The following KIDINS220 variants were observed in gnomAD, a reference collection of about 807,000 sequenced individuals.
KIDINS220 encodes kinase D-interacting substrate of 220 kDa.
In KIDINS220, 63 loss-of-function variants were observed where a neutral mutation model predicts 157.6. The observed-to-expected ratio is 0.40, with a 90% CI of 0.33 to 0.49. KIDINS220 has a LOEUF of 0.49. KIDINS220 is among the 20% of genes least tolerant of loss of function. The pLI, the probability that KIDINS220 is intolerant of heterozygous loss-of-function variation, is 0.66. For synonymous variants in KIDINS220, 732 were observed against 783.6 expected (o/e 0.93, Z 1.10); for missense variants, 1,772 against 2,171.2 (o/e 0.82, Z 3.65).
chr2:8,805,192 C>T (rs1438610792), intron 7 of KIDINS220, among the ~76,000 whole-genome samples: 1 of 152,216 alleles, frequency 6.6e-6, no homozygotes, highest in Non-Finnish European at 1.5e-5. Context: ...GCCACCCTCC[C>T]AGTACGGGGA....
chr2:8,796,969 G>A (rs1473134904), intron 10 of KIDINS220, 100 bp from the exon 11 acceptor site: 2 of 875,312 alleles, frequency 2.3e-6, no homozygotes, highest in African/African-American at 3.3e-5. Context: ...TCTGGTAACA[G>A]CCTATATTTA....
In KIDINS220 at chr2:8,790,003, G is replaced by C; in HGVS notation, c.1498C>G (p.Leu500Val). The change falls in exon 14 of 30, where the codon CTC becomes GTC. Residue 500 changes from leucine (L) to valine (V), a missense_variant. By Grantham distance (32) the Leu-to-Val change is conservative. This residue lies in a region of KIDINS220 where 725 missense variants were observed against 1,017.1 expected (regional missense o/e 0.71). Coordinates refer to ENST00000256707, the MANE Select transcript of KIDINS220 (RefSeq NM_020738.4). ...QIEPLFQFSW[L>V]IVFLTLLLCG... ...AGTAGCAGGGTAAGAAACACTATGA[G>C]CCATGAGAACTGAAAGAGAGGCTCA... is the stretch of plus-strand genomic sequence containing the variant. 6.2e-7 allele frequency: 1 copy of C among 1,612,286 alleles called. No homozygotes were observed. Among genetic ancestry groups the C allele is most frequent in the South Asian group, 1.1e-5 (1 of 90,402 alleles).
chr2:8,827,606 C>T (rs911171272), intron 1 of KIDINS220, among the ~76,000 whole-genome samples: 9 of 152,170 alleles, frequency 5.9e-5, no homozygotes, highest in Non-Finnish European at 1.0e-4. Flanking sequence ...GACGAGCCAC[C>T]GTGACTCACC....
At chr2:8,836,847 T>C (rs1316965418) in intron 1 of KIDINS220, among the ~76,000 whole-genome samples, 3 of 152,166 alleles carry the variant, frequency 2.0e-5, no homozygotes, top group East Asian at 3.8e-4. Context: ...TGCATAGTTA[T>C]TCATAAAAAA....
At chr2:8,751,419 A>G in intron 23 of KIDINS220, 47 bp downstream of exon 23, 2 of 1,486,612 alleles carry the variant, frequency 1.3e-6, no homozygotes, top group Non-Finnish European at 1.8e-6. Context: ...AACATGAAAA[A>G]TTCTTAGAAC....
chr2:8,732,916 T>C (rs1664343567), intron 29 of KIDINS220, among the ~76,000 whole-genome samples: 1 of 152,138 alleles, frequency 6.6e-6, no homozygotes, highest in South Asian at 2.1e-4. Context: ...TCCCTGCCCC[T>C]ACCCCTACCC....
At chr2:8,798,516 C>T (rs1674269562) in intron 9 of KIDINS220, among the ~76,000 whole-genome samples, 1 of 152,124 alleles carries the variant, frequency 6.6e-6, no homozygotes, top group Non-Finnish European at 1.5e-5. Context: ...AAGTAGCAAT[C>T]CCACATAGTT....
chr2:8,782,771 C>T (rs922689076), intron 17 of KIDINS220, among the ~76,000 whole-genome samples: 3 of 152,134 alleles, frequency 2.0e-5, no homozygotes, highest in African/African-American at 7.2e-5. Context: ...ATGCAAAAAA[C>T]CTCAACAAAA....
intron 23 of KIDINS220, among the ~76,000 whole-genome samples, 165 bp from the exon 24 acceptor site, chr2:8,750,500 C>T (rs1263953116): frequency 2.0e-5 from 3 of 152,172 alleles, no homozygotes; most frequent in African/African-American, 7.2e-5. Flanking sequence ...TGAAAACTCA[C>T]AGGCCTTTTA....
At position 8,778,993 on chromosome 2, in the gene KIDINS220, G is replaced by A. The variant is rs2148207988; in HGVS notation, c.2517C>T (p.His839=). 6.2e-7 allele frequency: 1 copy of A among 1,614,180 alleles called. No homozygotes were observed. Among genetic ancestry groups the A allele is most frequent in the Admixed American group, 1.7e-5 (1 of 60,014 alleles). Residue 839 remains histidine, a synonymous_variant, in exon 19 of 30, where the codon CAC becomes CAT. Coordinates refer to ENST00000256707, the MANE Select transcript of KIDINS220 (RefSeq NM_020738.4). Reference sequence around the variant, plus strand: ...CACGACTATTAAGGAACACAGGCAAGTGGACTATGTTGCGCATGTAGTCAT... The same window carrying A: ...CACGACTATTAAGGAACACAGGCAAATGGACTATGTTGCGCATGTAGTCAT... ...NGHDYMRNIV[H]LPVFLNSRGL...
At position 8,746,820 on chromosome 2, in the gene KIDINS220, G is replaced by C. The variant is rs1666649489; in HGVS notation, c.3585+325C>G. The C allele has an allele frequency of 1.2e-5, 3 of 256,246 alleles. No homozygotes were observed. In the East Asian group the frequency reaches 2.4e-4, roughly 20 times the overall value. The allele number at this position is 256,246 out of a possible 1,614,324, so 15.9% of individuals were successfully genotyped here. On this transcript the variant is annotated intron_variant, in intron 26 of 29. Coordinates refer to ENST00000256707, the MANE Select transcript of KIDINS220 (RefSeq NM_020738.4). ...ACAAAAACAGTCAAAGGCAAAGCTA[G>C]AGCTCACACTGAGGAGCAAATACTA...
At chr2:8,827,693 C>T (rs1167160027) in intron 1 of KIDINS220, among the ~76,000 whole-genome samples, 3 of 152,044 alleles carry the variant, frequency 2.0e-5, no homozygotes, top group Non-Finnish European at 4.4e-5. Context: ...AATGGTCTCA[C>T]TGCAAATAAA....
At chr2:8,736,725 G>C (rs1057063094) in intron 27 of KIDINS220, 143 bp downstream of exon 27, 20 of 859,518 alleles carry the variant, frequency 2.3e-5, no homozygotes, top group Non-Finnish European at 3.3e-5. Flanking sequence ...AAACTAGTAA[G>C]AATTATGTTT....
chr2:8,756,599 A>G (rs1238348145), intron 22 of KIDINS220, among the ~76,000 whole-genome samples: 2 of 152,174 alleles, frequency 1.3e-5, no homozygotes, highest in Admixed American at 1.3e-4. Context: ...TCAGAGATCA[A>G]AGTGCCAGAT....
At position 8,817,599 on chromosome 2, in the gene KIDINS220, C is replaced by CA. The variant is rs1456589974; in HGVS notation, c.306+18dup. 2.5e-5 allele frequency: 34 copies of CA among 1,376,158 alleles called. No homozygotes were observed. The highest frequency in any genetic ancestry group is 3.0e-5 in the Non-Finnish European group (30 of 987,768). 85.2% of individuals were successfully genotyped at this position (1,376,158 alleles called of 1,614,324 possible). On this transcript the variant is annotated intron_variant, in intron 4 of 29. Coordinates refer to ENST00000256707, the MANE Select transcript of KIDINS220 (RefSeq NM_020738.4). ...AAATAAGATTTCAGCTAATTAAGAA[C>CA]ATATAAAAATGTCCATACCATATCA...
At chr2:8,781,163 T>TATATAG (rs1442330151) in intron 17 of KIDINS220, among the ~76,000 whole-genome samples, 1 of 96,846 alleles carries the variant, frequency 1.0e-5, no homozygotes, top group African/African-American at 4.1e-5. Context: ...AATATATATA[T>TATATAG]ATTAAAGGGG....
chr2:8,816,629 C>T (rs1677115602), intron 4 of KIDINS220, among the ~76,000 whole-genome samples: 1 of 152,150 alleles, frequency 6.6e-6, no homozygotes, highest in Non-Finnish European at 1.5e-5. Flanking sequence ...ATTGAGAACT[C>T]GATAACTCCC....
At chr2:8,809,071 T>C (rs1354134882) in intron 6 of KIDINS220, among the ~76,000 whole-genome samples, 1 of 152,142 alleles carries the variant, frequency 6.6e-6, no homozygotes, top group African/African-American at 2.4e-5. Context: ...CAGACTGGAG[T>C]GCAGTGGCAC....
At chr2:8,815,594 G>T (rs13002505) in intron 4 of KIDINS220, among the ~76,000 whole-genome samples, 43,826 of 151,736 alleles carry the variant, frequency 0.29, 6,515 homozygotes, top group Middle Eastern at 0.35. Context: ...GCTTGAACCT[G>T]GGAGGCAGAG....
Sources: gnomAD v4.1 joint callset for allele counts (sites outside exome capture counted in the v4.1 genomes callset) on GRCh38, gnomAD v4.1.1 for gene constraint, gnomAD v4.1.1 regional missense constraint, MANE v1.5 for transcripts, NCBI Gene and HGNC (gene_info 2026-07-23, HGNC 2026-07-21) for gene names.